The following C8orf34 variants were observed in gnomAD, a reference collection of about 807,000 sequenced individuals.
The protein encoded by C8orf34 is chromosome 8 open reading frame 34, also known as uncharacterized protein C8orf34.
Under a neutral mutation model 68.3 loss-of-function variants are expected in C8orf34, and 65 were observed. That is an observed-to-expected ratio of 0.95 (90% confidence interval 0.78 to 1.17). The LOEUF (loss-of-function observed/expected upper bound fraction) is 1.17, where lower values mean the gene tolerates loss of function less well. Ranked by LOEUF, C8orf34 falls within the 50% of genes most tolerant of loss-of-function variation. C8orf34 has a pLI of 0.00. For synonymous variants in C8orf34, 244 were observed against 241.2 expected, an observed-to-expected ratio of 1.01 and a Z score of -0.11; for missense variants, 664 against 655.4, an observed-to-expected ratio of 1.01 and a Z score of -0.14.
At chr8:68,464,238 A>T (rs1251210099) in intron 3 of C8orf34, among the ~76,000 whole-genome samples, 4 of 152,320 alleles carry the variant, frequency 2.6e-5, no homozygotes, top group South Asian at 2.1e-4. Flanking sequence ...AATCCAACTT[A>T]CAAGGGATGT....
chr8:68,581,682 G>A (rs1817068575), intron 7 of C8orf34, among the ~76,000 whole-genome samples: 1 of 152,112 alleles, frequency 6.6e-6, no homozygotes. Flanking sequence ...TGAAACTACT[G>A]CCAAGTTAGA....
chr8:68,365,111 C>T (rs1367186026), intron 1 of C8orf34, among the ~76,000 whole-genome samples: 83 of 147,098 alleles, frequency 5.6e-4, no homozygotes, highest in Non-Finnish European at 9.9e-4. Flanking sequence ...GAGAATACTA[C>T]AAACACCTCT....
At chr8:68,423,947 G>A (rs773263974) in intron 1 of C8orf34, among the ~76,000 whole-genome samples, 26 of 152,122 alleles carry the variant, frequency 1.7e-4, no homozygotes, top group Non-Finnish European at 3.5e-4. Flanking sequence ...ATAGCAGGGA[G>A]GAAACTGCCC....
chr8:68,749,831 A>G (rs1315900655), intron 10 of C8orf34, among the ~76,000 whole-genome samples: 2 of 151,940 alleles, frequency 1.3e-5, no homozygotes, highest in Non-Finnish European at 2.9e-5. Context: ...GAATACTAGT[A>G]CTCCCTGTTT....
chr8:68,675,385 A>T lies in C8orf34; in HGVS notation c.1242-33609A>T, dbSNP rs114741939. On this transcript the variant is annotated intron_variant, in intron 8 of 13. Coordinates refer to ENST00000518698, the MANE Select transcript of C8orf34 (RefSeq NM_052958.4). ...TTTTCAAGACAGACAGTATAAAAAG[A>T]TATAAATAGAAACAAGAAAAAGTTA... Among the ~76,000 whole-genome samples, 1,235 of 152,300 alleles carry T rather than the reference A, an allele frequency of 8.1e-3. 24 individuals are homozygous for T. Among genetic ancestry groups the T allele is most frequent in the African/African-American group, 0.028 (1,172 of 41,564 alleles).
At chr8:68,574,260 CA>C (rs905205338) in intron 7 of C8orf34, among the ~76,000 whole-genome samples, 1 of 151,838 alleles carries the variant, frequency 6.6e-6, no homozygotes, top group African/African-American at 2.4e-5. Context: ...GAAAAAATGA[CA>C]AAAATATTAA....
At chr8:68,634,529 C>T (rs1254217927) in intron 7 of C8orf34, among the ~76,000 whole-genome samples, 5 of 152,176 alleles carry the variant, frequency 3.3e-5, no homozygotes, top group Non-Finnish European at 5.9e-5. Context: ...AAATTTTCCT[C>T]GGTTTAGGCA....
At chr8:68,815,484 CTG>C (rs1824783064) in intron 12 of C8orf34, among the ~76,000 whole-genome samples, 1 of 152,110 alleles carries the variant, frequency 6.6e-6, no homozygotes, top group South Asian at 2.1e-4. Flanking sequence ...GTGTACCTGT[CTG>C]GGGCTGAATA....
chr8:68,659,193 T>C (rs182104848), intron 8 of C8orf34, among the ~76,000 whole-genome samples: 280 of 152,288 alleles, frequency 1.8e-3, no homozygotes, highest in African/African-American at 6.3e-3. Context: ...TGCTTGGGTT[T>C]CTGGTTGATG....
intron 1 of C8orf34, among the ~76,000 whole-genome samples, chr8:68,359,980 A>G (rs1806915467): frequency 6.6e-6 from 1 of 152,216 alleles, no homozygotes; most frequent in Non-Finnish European, 1.5e-5. Context: ...TAGTATTTGA[A>G]GGACATTTCA....
intron 10 of C8orf34, among the ~76,000 whole-genome samples, chr8:68,775,380 G>A (rs4401840): frequency 0.5 from 75,274 of 151,986 alleles, 21,105 homozygotes; most frequent in African/African-American, 0.76. Context: ...CTCTCGTCAT[G>A]GAGTATAAAA....
chr8:68,516,277 T>A (rs1024441882), intron 5 of C8orf34, among the ~76,000 whole-genome samples: 2 of 152,250 alleles, frequency 1.3e-5, no homozygotes, highest in African/African-American at 4.8e-5. Flanking sequence ...TTGAGGATTT[T>A]AAAAATTCGT....
In C8orf34 at chr8:68,512,732, C is replaced by T. The variant is rs79065636; in HGVS notation, c.766-9067C>T. Among the ~76,000 whole-genome samples, 991 of 151,578 alleles carry T rather than the reference C, an allele frequency of 6.5e-3. 13 individuals are homozygous for T. Among genetic ancestry groups the T allele is most frequent in the African/African-American group, 0.023 (937 of 41,220 alleles). On this transcript the variant is annotated intron_variant, in intron 5 of 13. Transcript: ENST00000518698. ...CTTTTCCTATCTAATTTAAAGCAGTCCTTTAACCCTAGGCAAAAATTTACA... is the reference window on the plus strand; with the variant it reads ...CTTTTCCTATCTAATTTAAAGCAGTTCTTTAACCCTAGGCAAAAATTTACA...
intron 7 of C8orf34, among the ~76,000 whole-genome samples, chr8:68,567,566 GTTTCA>G (rs1216949552): frequency 1.1e-4 from 6 of 53,142 alleles, no homozygotes; most frequent in Non-Finnish European, 1.7e-4. Flanking sequence ...TTCAAATTTT[GTTTCA>G]TTTATCTTTT....
In C8orf34 at chr8:68,701,522, T is replaced by TC. The variant is rs1354936448; in HGVS notation, c.1242-7468dup. On this transcript the variant is annotated intron_variant, in intron 8 of 13. Coordinates refer to ENST00000518698, the MANE Select transcript of C8orf34 (RefSeq NM_052958.4). ...GGTCAGAAATATTCACATTTTTTTTTCCCCGCTCTTTCACCCCCGAAGTCT... is the reference window on the plus strand; with the variant it reads ...GGTCAGAAATATTCACATTTTTTTTTCCCCCGCTCTTTCACCCCCGAAGTCT... 4.0e-5 allele frequency among the ~76,000 whole-genome samples: 6 copies of TC among 150,476 alleles called. No individual in the cohort carries two copies. The South Asian group carries it at 1.3e-3, about 32-fold the overall frequency.
intron 1 of C8orf34, among the ~76,000 whole-genome samples, chr8:68,339,246 G>T (rs1805974713): frequency 2.6e-5 from 4 of 151,638 alleles, no homozygotes; most frequent in Admixed American, 2.0e-4. Context: ...AAATTAGAGG[G>T]TATCTACAAA....
intron 7 of C8orf34, among the ~76,000 whole-genome samples, chr8:68,616,159 C>T (rs978179255): frequency 2.5e-4 from 38 of 150,994 alleles, no homozygotes; most frequent in East Asian, 1.7e-3. Context: ...TTTTTTATTG[C>T]GTCTATTTGA....
chr8:68,409,412 C>T (rs1051504394), intron 1 of C8orf34, among the ~76,000 whole-genome samples: 5 of 151,920 alleles, frequency 3.3e-5, no homozygotes, highest in Admixed American at 6.6e-5. Flanking sequence ...TAGGCCTAGG[C>T]TAATGTGTGT....
Position 68,451,000 on chromosome 8 carries a change from A to G in C8orf34, c.607+4540A>G, listed in dbSNP as rs141809039. 2.1e-3 allele frequency among the ~76,000 whole-genome samples: 327 copies of G among 152,230 alleles called. 1 individual carries two copies. Among genetic ancestry groups the G allele is most frequent in the African/African-American group, 7.1e-3 (294 of 41,558 alleles). The stretch of plus-strand genomic sequence containing the variant: ...TGTCTACATTGACAATCTGTTTTTT[A>G]GTGTAGCCACCTTCATCAACTATCT... On this transcript the variant is annotated intron_variant, in intron 3 of 13. Transcript: ENST00000518698.
Sources: gnomAD v4.1 joint callset for allele counts (sites outside exome capture counted in the v4.1 genomes callset) on GRCh38, gnomAD v4.1.1 for gene constraint, MANE v1.5 for transcripts, NCBI Gene and HGNC (gene_info 2026-07-23, HGNC 2026-07-21) for gene names.